The following ARHGAP15 variants were observed in gnomAD, a reference collection of about 807,000 sequenced individuals.
The protein encoded by ARHGAP15 is Rho GTPase activating protein 15, also known as rho GTPase-activating protein 15.
In ARHGAP15, 51 loss-of-function variants were observed where a neutral mutation model predicts 63.7. The observed-to-expected ratio is 0.80, with a 90% confidence interval of 0.64 to 1.01. The LOEUF (loss-of-function observed/expected upper bound fraction) is 1.01, where lower values mean the gene tolerates loss of function less well. Among genes scored for constraint, ARHGAP15 ranks in the 50% least tolerant of loss-of-function variants. ARHGAP15 has a pLI of 0.00. For missense variants in ARHGAP15, 560 were observed against 564.6 expected (o/e 0.99, Z 0.08); for synonymous variants, 191 against 193.8 (o/e 0.99, Z 0.12).
chr2:143,404,034 TATTTAC>T (rs1688097855), intron 6 of ARHGAP15, among the ~76,000 whole-genome samples: 1 of 151,884 alleles, frequency 6.6e-6, no homozygotes, highest in African/African-American at 2.4e-5. Flanking sequence ...ATAATGTTAA[TATTTAC>T]TGGCTTTGGA....
chr2:143,197,273 G>A (rs1691916632), intron 2 of ARHGAP15, among the ~76,000 whole-genome samples: 1 of 151,586 alleles, frequency 6.6e-6, no homozygotes, highest in African/African-American at 2.4e-5. Flanking sequence ...ATGTTTTCTG[G>A]GTATAAATAA....
At chr2:143,581,258 A>C (rs1290961126) in intron 11 of ARHGAP15, among the ~76,000 whole-genome samples, 1 of 148,724 alleles carries the variant, frequency 6.7e-6, no homozygotes, top group Non-Finnish European at 1.5e-5. Context: ...TTTTTTTTAT[A>C]GTTTCACTTT....
chr2:143,718,488 A>G (rs1684908536), intron 13 of ARHGAP15, among the ~76,000 whole-genome samples: 1 of 152,190 alleles, frequency 6.6e-6, no homozygotes, highest in Non-Finnish European at 1.5e-5. Context: ...CCCCAGCTCC[A>G]TTCATTAATA....
At chr2:143,676,239 T>G (rs1376092197) in intron 12 of ARHGAP15, 1 of 152,306 alleles carries the variant, frequency 6.6e-6, no homozygotes, top group Non-Finnish European at 1.5e-5. Flanking sequence ...GCTGCTTTGA[T>G]CTTCTATCGA....
intron 12 of ARHGAP15, among the ~76,000 whole-genome samples, chr2:143,703,125 C>T (rs1307873594): frequency 3.9e-5 from 6 of 152,180 alleles, no homozygotes; most frequent in Non-Finnish European, 8.8e-5. Flanking sequence ...GATTATCTCA[C>T]AGTACAGCCA....
At chr2:143,459,326 G>A (rs1387278924) in intron 8 of ARHGAP15, among the ~76,000 whole-genome samples, 1 of 151,330 alleles carries the variant, frequency 6.6e-6, no homozygotes, top group Non-Finnish European at 1.5e-5. Flanking sequence ...TGGTGCATCT[G>A]GTTAAATGGG....
chr2:143,690,760 T>C (rs1407682758), intron 12 of ARHGAP15, among the ~76,000 whole-genome samples: 1 of 152,154 alleles, frequency 6.6e-6, no homozygotes, highest in South Asian at 2.1e-4. Context: ...GTGCGAATGG[T>C]CTCAAGTTAT....
intron 6 of ARHGAP15, among the ~76,000 whole-genome samples, chr2:143,318,021 T>C (rs868248401): frequency 6.6e-6 from 1 of 152,034 alleles, no homozygotes; most frequent in Non-Finnish European, 1.5e-5. Flanking sequence ...TTTTTTTTCT[T>C]TGATAGAGTC....
At chr2:143,683,454 AAAC>A (rs1333269272) in intron 12 of ARHGAP15, among the ~76,000 whole-genome samples, 3 of 152,188 alleles carry the variant, frequency 2.0e-5, no homozygotes, top group Non-Finnish European at 4.4e-5. Flanking sequence ...CATATTGGGA[AAAC>A]AACACAGTTG....
Position 143,332,074 on chromosome 2 carries a change from A to C in ARHGAP15, c.474+81474A>C, listed in dbSNP as rs181420979. ...CAGATGTTTGAGTCATAAGTGGTCC[A>C]TCTCTCTTTCGGTCAACCTATTACG... On this transcript the variant is annotated intron_variant, in intron 6 of 13. Coordinates refer to ENST00000295095, the MANE Select transcript of ARHGAP15 (RefSeq NM_018460.4). Among the ~76,000 whole-genome samples the C allele has an allele frequency of 6.6e-5, 10 of 152,308 alleles. No individual in the cohort carries two copies. The East Asian group carries it at 1.9e-3, about 29-fold the overall frequency.
chr2:143,750,520 A>G (rs1436135324), intron 13 of ARHGAP15, among the ~76,000 whole-genome samples: 1 of 152,232 alleles, frequency 6.6e-6, no homozygotes, highest in African/African-American at 2.4e-5. Flanking sequence ...ACAACCTATG[A>G]GATCAGTTTT....
At chr2:143,254,461 T>C (rs1346267891) in intron 6 of ARHGAP15, among the ~76,000 whole-genome samples, 1 of 151,830 alleles carries the variant, frequency 6.6e-6, no homozygotes, top group Admixed American at 6.6e-5. Flanking sequence ...TTGAAGGAAA[T>C]TTTTCAGTTA....
chr2:143,511,737 G>T (rs1693599819), intron 9 of ARHGAP15, among the ~76,000 whole-genome samples: 1 of 152,160 alleles, frequency 6.6e-6, no homozygotes, highest in South Asian at 2.1e-4. Flanking sequence ...TTTTAAGATA[G>T]AAGTTTCCAT....
At chr2:143,142,757 C>A (rs1689423032) in intron 1 of ARHGAP15, among the ~76,000 whole-genome samples, 1 of 152,002 alleles carries the variant, frequency 6.6e-6, no homozygotes, top group South Asian at 2.1e-4. Flanking sequence ...AAGAACCCCA[C>A]CAGTAAGTGC....
chr2:143,270,679 T>C (rs1044308701), intron 6 of ARHGAP15, among the ~76,000 whole-genome samples: 2 of 152,202 alleles, frequency 1.3e-5, no homozygotes, highest in Middle Eastern at 3.2e-3. Flanking sequence ...TATTACTGTT[T>C]TAGTTATTTT....
chr2:143,454,028 CT>C (rs980350792), intron 8 of ARHGAP15, among the ~76,000 whole-genome samples: 4 of 151,972 alleles, frequency 2.6e-5, no homozygotes, highest in African/African-American at 4.8e-5. Flanking sequence ...AAAGAAATTA[CT>C]TATCAGCATT....
intron 1 of ARHGAP15, among the ~76,000 whole-genome samples, chr2:143,140,990 C>T (rs1276447945): frequency 1.3e-5 from 2 of 152,152 alleles, no homozygotes; most frequent in Non-Finnish European, 2.9e-5. Context: ...GGTGGGAAAC[C>T]AGCTTGACAA....
At chr2:143,403,810 T>C (rs111520289) in intron 6 of ARHGAP15, among the ~76,000 whole-genome samples, 81 of 151,994 alleles carry the variant, frequency 5.3e-4, no homozygotes, top group African/African-American at 1.9e-3. Flanking sequence ...ATCCCTTTGA[T>C]TGTTGAGTTT....
At chr2:143,410,213 C>T (rs776772509) in intron 6 of ARHGAP15, among the ~76,000 whole-genome samples, 21 of 151,832 alleles carry the variant, frequency 1.4e-4, no homozygotes, top group Non-Finnish European at 2.9e-4. Context: ...TGGTATATTC[C>T]TTGTAATGTG....
Sources: allele counts gnomAD v4.1 joint callset (sites outside exome capture counted in the v4.1 genomes callset), GRCh38; gene constraint gnomAD v4.1.1; transcripts MANE v1.5; gene names NCBI Gene and HGNC (gene_info 2026-07-23, HGNC 2026-07-21).